CACNA2D3: variants seen among roughly 807,000 people sequenced by gnomAD.
CACNA2D3 encodes the protein calcium voltage-gated channel auxiliary subunit alpha2delta 3, also known as voltage-dependent calcium channel subunit alpha-2/delta-3.
Under a neutral mutation model 160.6 loss-of-function variants are expected in CACNA2D3, and 60 were observed. The ratio of observed to expected loss-of-function variants is 0.37; its 90% CI spans 0.30 to 0.46. CACNA2D3 has a LOEUF of 0.46. CACNA2D3 is among the 20% of genes least tolerant of loss of function. The pLI is 1.00. For synonymous variants in CACNA2D3, 558 were observed against 492.9 expected, an observed-to-expected ratio of 1.13 and a Z score of -1.75; for missense variants, 1,205 against 1,365.0, an observed-to-expected ratio of 0.88 and a Z score of 1.85.
chr3:54,256,231 C>T (rs1702291291), intron 2 of CACNA2D3, among the ~76,000 whole-genome samples: 2 of 152,224 alleles, frequency 1.3e-5, no homozygotes, highest in South Asian at 2.1e-4. Context: ...TCTTGTTGTA[C>T]CTGGAAGAGG....
At chr3:54,417,230 T>C (rs1448685709) in intron 4 of CACNA2D3, among the ~76,000 whole-genome samples, 1 of 152,220 alleles carries the variant, frequency 6.6e-6, no homozygotes, top group East Asian at 1.9e-4. Flanking sequence ...ACATTTCACT[T>C]GTTCACAGCA....
Position 54,973,109 on chromosome 3 carries a change from G to A in CACNA2D3, c.2556+3265G>A, listed in dbSNP as rs74457831. Among the ~76,000 whole-genome samples, 1,482 of 152,240 alleles carry A rather than the reference G, an allele frequency of 9.7e-3. 28 individuals carry two copies. The highest frequency in any genetic ancestry group is 0.034 in the African/African-American group (1,400 of 41,548). On this transcript the variant is annotated intron_variant, in intron 29 of 37. Coordinates refer to ENST00000474759, the MANE Select transcript of CACNA2D3 (RefSeq NM_018398.3). ...GGTAACATTTAAGTCAGCCAAAGAA[G>A]GAGATGATATTGAAGACAATTCCTG...
intron 2 of CACNA2D3, among the ~76,000 whole-genome samples, chr3:54,249,397 T>G (rs1178669481): frequency 6.6e-6 from 1 of 152,098 alleles, no homozygotes; most frequent in African/African-American, 2.4e-5. Context: ...GAATAAAAAA[T>G]CTGGCATCCC....
Position 54,712,668 on chromosome 3 carries a change from A to G in CACNA2D3, c.1168-39931A>G, listed in dbSNP as rs140867935. Among the ~76,000 whole-genome samples the G allele has an allele frequency of 5.5e-4, 84 of 152,314 alleles. No homozygotes were observed. In the East Asian group the frequency reaches 0.015, roughly 27 times the overall value. On this transcript the variant is annotated intron_variant, in intron 11 of 37. Coordinates refer to ENST00000474759, the MANE Select transcript of CACNA2D3 (RefSeq NM_018398.3). ...ATTGCCCAGTCTTGGGTATGTCTTTATCAGAAGCATGTAAACGGACTAATA... is the reference window on the plus strand; with the variant it reads ...ATTGCCCAGTCTTGGGTATGTCTTTGTCAGAAGCATGTAAACGGACTAATA...
At chr3:54,773,194 A>T (rs1251528337) in intron 13 of CACNA2D3, among the ~76,000 whole-genome samples, 3 of 152,248 alleles carry the variant, frequency 2.0e-5, no homozygotes, top group Non-Finnish European at 4.4e-5. Flanking sequence ...GATAAATTGC[A>T]CATTTGTTTC....
At chr3:54,829,162 C>T (rs1376288074) in intron 14 of CACNA2D3, among the ~76,000 whole-genome samples, 1 of 152,184 alleles carries the variant, frequency 6.6e-6, no homozygotes, top group East Asian at 1.9e-4. Flanking sequence ...GGTCCCTTTC[C>T]AGGCATGAGA....
rs547201853 is a variant in CACNA2D3 at position 54,871,426 on chromosome 3, G to A, written c.1627-113G>A. On this transcript the variant is annotated intron_variant, in intron 17 of 37. Coordinates refer to ENST00000474759, the MANE Select transcript of CACNA2D3 (RefSeq NM_018398.3). ...CCCTGCTGGGCTTCTCACCCTCATC[G>A]GTCCACTCCCAAGCCCTGTCCATGA... 2.3e-4 allele frequency: 166 copies of A among 707,836 alleles called. No homozygotes were observed. The African/African-American group carries it at 2.6e-3, about 11-fold the overall frequency. The allele number at this position is 707,836 out of a possible 1,614,324, so 43.8% of individuals were successfully genotyped here.
At chr3:54,979,652 A>G (rs528930894) in intron 29 of CACNA2D3, among the ~76,000 whole-genome samples, 19 of 152,298 alleles carry the variant, frequency 1.2e-4, no homozygotes, top group Middle Eastern at 6.8e-3. Flanking sequence ...AGTTCAGTTC[A>G]TGCAGTTGAC....
chr3:54,998,439 T>C (rs1702905790), intron 31 of CACNA2D3, among the ~76,000 whole-genome samples: 1 of 152,076 alleles, frequency 6.6e-6, no homozygotes, highest in African/African-American at 2.4e-5. Context: ...TGGCCTTTAA[T>C]CAATTAATTC....
At chr3:54,659,752 G>C (rs1042533857) in intron 11 of CACNA2D3, among the ~76,000 whole-genome samples, 1 of 152,216 alleles carries the variant, frequency 6.6e-6, no homozygotes, top group African/African-American at 2.4e-5. Flanking sequence ...AGTACGTAAA[G>C]CAGTGGTGAT....
chr3:54,806,656 C>T (rs1176162533), intron 13 of CACNA2D3, among the ~76,000 whole-genome samples: 1 of 152,166 alleles, frequency 6.6e-6, no homozygotes, highest in African/African-American at 2.4e-5. Context: ...TCAATGCCAT[C>T]CCCATCAAGC....
At chr3:54,882,037 AGAGTGT>A (rs1699810433) in intron 21 of CACNA2D3, among the ~76,000 whole-genome samples, 1 of 152,232 alleles carries the variant, frequency 6.6e-6, no homozygotes, top group Non-Finnish European at 1.5e-5. Context: ...GGCACAACCC[AGAGTGT>A]GCCCACCAAA....
intron 5 of CACNA2D3, among the ~76,000 whole-genome samples, chr3:54,550,954 C>A (rs1575340250): frequency 6.6e-6 from 1 of 152,216 alleles, no homozygotes; most frequent in African/African-American, 2.4e-5. Flanking sequence ...CCTCATGTAT[C>A]CCATGGATGA....
At chr3:54,650,683 T>C (rs994574682) in intron 11 of CACNA2D3, among the ~76,000 whole-genome samples, 1 of 152,140 alleles carries the variant, frequency 6.6e-6, no homozygotes, top group Admixed American at 6.6e-5. Context: ...GTATTTTTTA[T>C]AGAGCTGGGG....
chr3:54,972,011 A>C (rs1415459706), intron 29 of CACNA2D3, among the ~76,000 whole-genome samples: 1 of 152,142 alleles, frequency 6.6e-6, no homozygotes, highest in Non-Finnish European at 1.5e-5. Flanking sequence ...ATTTAAAAAA[A>C]AACAAACTCT....
At chr3:54,897,603 C>T (rs1364865802) in intron 26 of CACNA2D3, among the ~76,000 whole-genome samples, 2 of 152,204 alleles carry the variant, frequency 1.3e-5, no homozygotes, top group East Asian at 1.9e-4. Flanking sequence ...GTTCTGTAAA[C>T]TTGGGTTGCT....
chr3:54,243,260 G>A (rs1300719947), intron 2 of CACNA2D3, among the ~76,000 whole-genome samples: 1 of 152,182 alleles, frequency 6.6e-6, no homozygotes, highest in East Asian at 1.9e-4. Context: ...GCGATTGCGT[G>A]GGCTGTCAAA....
intron 2 of CACNA2D3, among the ~76,000 whole-genome samples, chr3:54,211,821 ATATAT>A (rs1701377571): frequency 1.3e-5 from 2 of 152,190 alleles, no homozygotes; most frequent in South Asian, 2.1e-4. Context: ...TTTTATAAAA[ATATAT>A]TATAAAATGT....
intron 27 of CACNA2D3, among the ~76,000 whole-genome samples, chr3:54,937,766 T>G (rs1485580758): frequency 6.6e-6 from 1 of 151,794 alleles, no homozygotes; most frequent in Non-Finnish European, 1.5e-5. Flanking sequence ...ATGGCATGTG[T>G]TACGCTGAGA....
Sources: allele counts gnomAD v4.1 joint callset (sites outside exome capture counted in the v4.1 genomes callset), GRCh38; gene constraint gnomAD v4.1.1; transcripts MANE v1.5; gene names NCBI Gene and HGNC (gene_info 2026-07-23, HGNC 2026-07-21).